The following RAPGEF5 variants were observed in gnomAD, a reference collection of about 807,000 sequenced individuals.
The protein encoded by RAPGEF5 is Rap guanine nucleotide exchange factor 5.
In RAPGEF5, 65 loss-of-function variants were observed where a neutral mutation model predicts 125.2. The ratio of observed to expected loss-of-function variants is 0.52; its 90% CI spans 0.43 to 0.64. The LOEUF is 0.64. Among genes scored for constraint, RAPGEF5 ranks in the 30% least tolerant of loss-of-function variants. The pLI, the probability that RAPGEF5 is intolerant of heterozygous loss-of-function variation, is 0.00. For missense variants in RAPGEF5, 958 were observed against 1,048.1 expected (o/e 0.91, Z 1.19); for synonymous variants, 391 against 385.9 (o/e 1.01, Z -0.16).
At chr7:22,151,476 TTTTG>T (rs1783625627) in intron 17 of RAPGEF5, among the ~76,000 whole-genome samples, 1 of 150,148 alleles carries the variant, frequency 6.7e-6, no homozygotes, top group Admixed American at 6.6e-5. Flanking sequence ...TTTTTTTTTT[TTTTG>T]AGACAGAGTT....
chr7:22,273,571 T>C (rs561320965), intron 6 of RAPGEF5, among the ~76,000 whole-genome samples: 1 of 152,222 alleles, frequency 6.6e-6, no homozygotes, highest in Non-Finnish European at 1.5e-5. Flanking sequence ...CAAATATGCA[T>C]GTTAACTTTA....
chr7:22,354,564 C>T (rs1382248000), intron 1 of RAPGEF5, among the ~76,000 whole-genome samples: 1 of 152,096 alleles, frequency 6.6e-6, no homozygotes, highest in Non-Finnish European at 1.5e-5. Flanking sequence ...AGTGTATGCC[C>T]CCTACAAAAT....
chr7:22,321,419 T>C (rs1783712929), intron 1 of RAPGEF5, among the ~76,000 whole-genome samples: 2 of 152,238 alleles, frequency 1.3e-5, no homozygotes, highest in Admixed American at 6.5e-5. Flanking sequence ...AACAGTGTAA[T>C]AGACTTAAGG....
intron 7 of RAPGEF5, among the ~76,000 whole-genome samples, chr7:22,240,665 G>A (rs1786308528): frequency 6.6e-6 from 1 of 152,100 alleles, no homozygotes; most frequent in African/African-American, 2.4e-5. Context: ...GAGCCACCAT[G>A]ACTAGCCAGC....
At chr7:22,165,525 T>C (rs1784135825) in intron 12 of RAPGEF5, among the ~76,000 whole-genome samples, 1 of 152,192 alleles carries the variant, frequency 6.6e-6, no homozygotes, top group African/African-American at 2.4e-5. Flanking sequence ...GTGAAGGAAA[T>C]CTGCACATAT....
At chr7:22,244,175 T>C (rs947474203) in intron 7 of RAPGEF5, among the ~76,000 whole-genome samples, 7 of 152,188 alleles carry the variant, frequency 4.6e-5, no homozygotes, top group African/African-American at 1.4e-4. Flanking sequence ...TGTGTATATA[T>C]ACATATATAC....
At chr7:22,201,392 G>T (rs1443406739) in intron 9 of RAPGEF5, among the ~76,000 whole-genome samples, 1 of 152,238 alleles carries the variant, frequency 6.6e-6, no homozygotes, top group Non-Finnish European at 1.5e-5. Context: ...CAGGGCAGAT[G>T]TGAGAATGGA....
intron 7 of RAPGEF5, among the ~76,000 whole-genome samples, chr7:22,248,882 C>T (rs1212590126): frequency 6.6e-6 from 1 of 152,098 alleles, no homozygotes; most frequent in Non-Finnish European, 1.5e-5. Context: ...CCTATTGTAG[C>T]CAGGGTGGAA....
At chr7:22,339,434 TAAGA>T (rs1195114288) in intron 1 of RAPGEF5, among the ~76,000 whole-genome samples, 9 of 151,958 alleles carry the variant, frequency 5.9e-5, no homozygotes, top group Non-Finnish European at 8.8e-5. Context: ...AATGTTTTAG[TAAGA>T]AAGAAAGAAA....
chr7:22,351,274 C>G (rs1784324225), intron 1 of RAPGEF5, among the ~76,000 whole-genome samples: 1 of 152,128 alleles, frequency 6.6e-6, no homozygotes, highest in Non-Finnish European at 1.5e-5. Flanking sequence ...CCCCACTTCC[C>G]CTAAACCCAA....
Position 22,199,485 on chromosome 7 carries a change from C to G in RAPGEF5, c.997-5452G>C, listed in dbSNP as rs569234303. ...GAACTGGGTAGACATGAATTATAGACTTTAAAATGGCTAATTTTATGTTAT... is the reference window on the plus strand; with the variant it reads ...GAACTGGGTAGACATGAATTATAGAGTTTAAAATGGCTAATTTTATGTTAT... On this transcript the variant is annotated intron_variant, in intron 9 of 25. Transcript: ENST00000665637. 5.7e-5 allele frequency among the ~76,000 whole-genome samples: 7 copies of G among 122,040 alleles called. No individual in the cohort carries two copies. In the South Asian group the frequency reaches 1.9e-3, roughly 34 times the overall value. The allele number at this position is 122,040 out of a possible 152,430, so 80.1% of individuals were successfully genotyped here.
At chr7:22,224,469 C>T (rs1785867662) in intron 8 of RAPGEF5, among the ~76,000 whole-genome samples, 1 of 152,150 alleles carries the variant, frequency 6.6e-6, no homozygotes, top group Non-Finnish European at 1.5e-5. Flanking sequence ...CTTTCCATGT[C>T]ATCTGCACAG....
intron 11 of RAPGEF5, among the ~76,000 whole-genome samples, chr7:22,184,659 G>A (rs538952153): frequency 5.9e-5 from 9 of 152,260 alleles, no homozygotes; most frequent in Non-Finnish European, 1.2e-4. Flanking sequence ...ATCAGTGTAT[G>A]TTAATGATCT....
chr7:22,194,966 C>G (rs1785112456), intron 9 of RAPGEF5, among the ~76,000 whole-genome samples: 1 of 152,178 alleles, frequency 6.6e-6, no homozygotes, highest in African/African-American at 2.4e-5. Flanking sequence ...GAGAAAGGAA[C>G]TATAAGATGC....
At chr7:22,334,424 G>A (rs568212321) in intron 1 of RAPGEF5, among the ~76,000 whole-genome samples, 5 of 152,274 alleles carry the variant, frequency 3.3e-5, no homozygotes, top group South Asian at 2.1e-4. Flanking sequence ...ATCCTCTGTC[G>A]TTAATCATGT....
At chr7:22,183,097 A>G in intron 11 of RAPGEF5, among the ~76,000 whole-genome samples, 1 of 151,730 alleles carries the variant, frequency 6.6e-6, no homozygotes, top group Non-Finnish European at 1.5e-5. Flanking sequence ...ACATAGTGAA[A>G]CCCTGTCTCT....
chr7:22,294,813 T>C lies in RAPGEF5; in HGVS notation c.681-3572A>G, dbSNP rs567116711. 3.9e-5 allele frequency among the ~76,000 whole-genome samples: 6 copies of C among 152,340 alleles called. No individual in the cohort carries two copies. The East Asian group carries it at 1.2e-3, about 29-fold the overall frequency. On this transcript the variant is annotated intron_variant, in intron 5 of 25. Coordinates refer to ENST00000665637, the MANE Select transcript of RAPGEF5 (RefSeq NM_012294.5). ...GACTCAGAAGCCAGCATAGTCTTGC[T>C]AAAATGTAAGTTAGTTCATGTCCCT...
intron 7 of RAPGEF5, among the ~76,000 whole-genome samples, chr7:22,234,403 G>A (rs532107511): frequency 2.6e-5 from 4 of 152,228 alleles, no homozygotes; most frequent in South Asian, 2.1e-4. Context: ...TCCCTCCAGC[G>A]AAACACGTAC....
chr7:22,129,868 A>G (rs1353279204), intron 24 of RAPGEF5, among the ~76,000 whole-genome samples: 2 of 151,918 alleles, frequency 1.3e-5, no homozygotes, highest in Admixed American at 6.5e-5. Flanking sequence ...TAAGGGTTGT[A>G]TAAGAGCCAA....
Sources: gnomAD v4.1 joint callset for allele counts (sites outside exome capture counted in the v4.1 genomes callset) on GRCh38, gnomAD v4.1.1 for gene constraint, MANE v1.5 for transcripts, NCBI Gene and HGNC (gene_info 2026-07-23, HGNC 2026-07-21) for gene names.